The following WDR48 variants were observed in gnomAD, a reference collection of about 807,000 sequenced individuals.
WDR48 encodes the protein WD repeat domain 48, also known as WD repeat-containing protein 48.
A neutral mutation model predicts 94.0 loss-of-function variants in WDR48; 22 were observed. The observed-to-expected ratio is 0.23, with a 90% confidence interval of 0.17 to 0.33. WDR48 has a LOEUF of 0.33. WDR48 is among the 10% of genes least tolerant of loss of function. The pLI is 1.00. For missense variants in WDR48, 541 were observed against 813.8 expected, an observed-to-expected ratio of 0.66 and a Z score of 4.08; for synonymous variants, 278 against 280.5, an observed-to-expected ratio of 0.99 and a Z score of 0.09.
Position 39,069,759 on chromosome 3 carries a change from T to C in WDR48, c.672+15T>C. On this transcript the variant is annotated intron_variant, in intron 7 of 18. Coordinates refer to ENST00000302313, the MANE Select transcript of WDR48 (RefSeq NM_020839.4). Reference sequence around the variant, plus strand: ...ATGGCACGCAAGTATGCAGTTTCATTTGGGTGTTTACCTAATAACCTTGTT... The same window carrying C: ...ATGGCACGCAAGTATGCAGTTTCATCTGGGTGTTTACCTAATAACCTTGTT... The C allele has an allele frequency of 6.2e-7, 1 of 1,606,194 alleles. No individual in the cohort carries two copies. Among genetic ancestry groups the C allele is most frequent in the South Asian group, 1.1e-5 (1 of 90,232 alleles).
chr3:39,072,369 A>G (rs913287672), intron 7 of WDR48, among the ~76,000 whole-genome samples: 3 of 152,204 alleles, frequency 2.0e-5, no homozygotes, highest in South Asian at 4.1e-4. Flanking sequence ...TATGTCACTC[A>G]AAGGGTTCTT....
intron 5 of WDR48, 106 bp downstream of exon 5, chr3:39,066,981 A>G (rs1400561683): frequency 1.0e-5 from 14 of 1,357,228 alleles, no homozygotes; most frequent in Non-Finnish European, 1.3e-5. Context: ...AGTGTTTCAT[A>G]TTTTGAGAGT....
In WDR48 at chr3:39,085,611, GT is replaced by G; in HGVS notation, c.1474+3del. 6.2e-7 allele frequency: 1 copy of G among 1,605,676 alleles called. No individual in the cohort carries two copies. The highest frequency in any genetic ancestry group is 8.5e-7 in the Non-Finnish European group (1 of 1,177,056). Reference sequence around the variant, plus strand: ...GAAGAGGAAAATGAAGTAAACCATGGTTAGTTTTTATATTCAGATAGTTGCA... The same window carrying G: ...GAAGAGGAAAATGAAGTAAACCATGGTAGTTTTTATATTCAGATAGTTGCA... On this transcript the variant is annotated splice_donor_variant, in intron 14 of 18. Transcript: ENST00000302313. LOFTEE classifies it high-confidence loss of function.
chr3:39,068,994 C>T (rs756940002), intron 6 of WDR48, 135 bp downstream of exon 6: 6 of 651,602 alleles, frequency 9.2e-6, no homozygotes, highest in Non-Finnish European at 1.5e-5. Flanking sequence ...CACTCTGTCA[C>T]CCAGGTTGGG....
rs1257929509 is a variant in WDR48, at chr3:39,053,607, TAGGAG to T, written c.48+1537_48+1541del. ...ATAGACTCTATGGTGGTGTACATCTTAGGAGAGTAAGGGTAGTTAATCAGGCCTTT... is the reference window on the plus strand; with the variant it reads ...ATAGACTCTATGGTGGTGTACATCTTAGTAAGGGTAGTTAATCAGGCCTTT... On this transcript the variant is annotated intron_variant, in intron 1 of 18. Coordinates refer to ENST00000302313, the MANE Select transcript of WDR48 (RefSeq NM_020839.4). Among the ~76,000 whole-genome samples the T allele has an allele frequency of 7.9e-5, 12 of 152,118 alleles. No individual in the cohort carries two copies. In the South Asian group the frequency reaches 1.2e-3, roughly 16 times the overall value.
At chr3:39,069,807 C>G in intron 7 of WDR48, 63 bp downstream of exon 7, 1 of 1,341,208 alleles carries the variant, frequency 7.5e-7, no homozygotes, top group Non-Finnish European at 1.0e-6. Flanking sequence ...ACTTTGTATA[C>G]TATTGCATAG....
intron 11 of WDR48, among the ~76,000 whole-genome samples, chr3:39,081,802 C>G (rs1354306265): frequency 6.6e-6 from 1 of 152,154 alleles, no homozygotes; most frequent in African/African-American, 2.4e-5. Flanking sequence ...TAACTGAGGC[C>G]TGAGTAGAAT....
chr3:39,068,698 T>C, intron 5 of WDR48, 73 bp from the exon 6 acceptor site: 1 of 1,032,476 alleles, frequency 9.7e-7, no homozygotes, highest in Middle Eastern at 2.1e-4. Flanking sequence ...TTGAATAAAC[T>C]TGCAGTTTTT....
chr3:39,080,180 C>T (rs2034446801), intron 11 of WDR48, among the ~76,000 whole-genome samples: 2 of 152,210 alleles, frequency 1.3e-5, no homozygotes, highest in East Asian at 3.9e-4. Context: ...TAGCCTCCAC[C>T]CAGTAGTTGC....
intron 9 of WDR48, among the ~76,000 whole-genome samples, chr3:39,077,595 A>G (rs2034295643): frequency 6.6e-6 from 1 of 152,250 alleles, no homozygotes; most frequent in Non-Finnish European, 1.5e-5. Flanking sequence ...TAAACATAAG[A>G]GAAAGCAGAA....
At chr3:39,089,095 A>G in intron 15 of WDR48, 136 bp from the exon 16 acceptor site, 1 of 710,054 alleles carries the variant, frequency 1.4e-6, no homozygotes, top group Non-Finnish European at 2.3e-6. Flanking sequence ...TCCAGGCTGT[A>G]CTTTTATTTC....
intron 15 of WDR48, 95 bp from the exon 16 acceptor site, chr3:39,089,136 G>A: frequency 8.8e-7 from 1 of 1,132,528 alleles, no homozygotes. Flanking sequence ...TATCCTACAT[G>A]AAAACCATGA....
chr3:39,054,486 C>T (rs1410267508), intron 1 of WDR48, among the ~76,000 whole-genome samples: 3 of 152,220 alleles, frequency 2.0e-5, no homozygotes, highest in Admixed American at 2.0e-4. Flanking sequence ...TGTTCTATAC[C>T]TCTTGCTGTT....
intron 17 of WDR48, 51 bp from the exon 18 acceptor site, chr3:39,093,823 T>A (rs1302780401): frequency 7.0e-7 from 1 of 1,426,106 alleles, no homozygotes; most frequent in Non-Finnish European, 9.2e-7. Flanking sequence ...ATGGAATAAA[T>A]AATATCTAGT....
intron 7 of WDR48, among the ~76,000 whole-genome samples, chr3:39,072,137 C>T (rs1301806959): frequency 6.6e-6 from 1 of 152,176 alleles, no homozygotes; most frequent in Non-Finnish European, 1.5e-5. Context: ...CTACCTGTTG[C>T]CTGATTCTTT....
At chr3:39,088,088 C>T in intron 14 of WDR48, 40 bp from the exon 15 acceptor site, 1 of 1,583,352 alleles carries the variant, frequency 6.3e-7, no homozygotes, top group Non-Finnish European at 8.7e-7. Flanking sequence ...GTATTTTTAG[C>T]ACTAACTCTG....
chr3:39,084,993 C>T (rs180741185), intron 13 of WDR48, among the ~76,000 whole-genome samples: 223 of 152,214 alleles, frequency 1.5e-3, no homozygotes, highest in African/African-American at 5.1e-3. Context: ...TTTGGGAGGC[C>T]GAGGCGGGTG....
chr3:39,069,879 T>A, intron 7 of WDR48, 135 bp downstream of exon 7: 1 of 609,110 alleles, frequency 1.6e-6, no homozygotes, highest in Non-Finnish European at 2.7e-6. Context: ...TTTAAAATAC[T>A]AAATTGCACA....
chr3:39,064,480 G>T (rs1363402489), intron 2 of WDR48, among the ~76,000 whole-genome samples: 2 of 152,010 alleles, frequency 1.3e-5, no homozygotes, highest in African/African-American at 2.4e-5. Flanking sequence ...TCACCATGTG[G>T]GTCAGGCTGG....
Sources: allele counts gnomAD v4.1 joint callset (sites outside exome capture counted in the v4.1 genomes callset), GRCh38; gene constraint gnomAD v4.1.1; transcripts MANE v1.5; gene names NCBI Gene and HGNC (gene_info 2026-07-23, HGNC 2026-07-21).